Variants in TEC observed in about 807,000 individuals in gnomAD.
TEC encodes the protein tec protein tyrosine kinase.
In TEC, 72 loss-of-function variants were observed where a neutral mutation model predicts 93.0. The ratio of observed to expected loss-of-function variants is 0.77; its 90% CI spans 0.64 to 0.94. The LOEUF (loss-of-function observed/expected upper bound fraction) is 0.94, where lower values mean the gene tolerates loss of function less well. TEC is among the 40% of genes least tolerant of loss of function. TEC has a pLI of 0.00. For missense variants in TEC, 630 were observed against 757.9 expected, an observed-to-expected ratio of 0.83 and a Z score of 1.98; for synonymous variants, 249 against 247.7, an observed-to-expected ratio of 1.01 and a Z score of -0.05.
intron 2 of TEC, among the ~76,000 whole-genome samples, chr4:48,221,643 G>A (rs1016330828): frequency 6.6e-6 from 1 of 152,122 alleles, no homozygotes; most frequent in African/African-American, 2.4e-5. Context: ...AACCCCTTCT[G>A]TTAGGGTTTT....
intron 1 of TEC, among the ~76,000 whole-genome samples, chr4:48,235,364 C>T (rs920107207): frequency 1.3e-5 from 2 of 152,020 alleles, no homozygotes; most frequent in Non-Finnish European, 2.9e-5. Context: ...TAATAAGATA[C>T]AATGAGATGA....
At chr4:48,178,828 C>T (rs1721437251) in intron 2 of TEC, among the ~76,000 whole-genome samples, 1 of 152,172 alleles carries the variant, frequency 6.6e-6, no homozygotes, top group Admixed American at 6.5e-5. Context: ...TCTAACCCTT[C>T]TCCTCTGTTC....
At chr4:48,212,128 T>C (rs1337682407) in intron 2 of TEC, among the ~76,000 whole-genome samples, 8 of 144,226 alleles carry the variant, frequency 5.5e-5, no homozygotes, top group South Asian at 2.1e-4. Context: ...TATATATATA[T>C]ATATGTATAT....
intron 7 of TEC, 52 bp downstream of exon 7, chr4:48,167,726 A>T: frequency 6.4e-7 from 1 of 1,559,022 alleles, no homozygotes; most frequent in East Asian, 2.2e-5. Context: ...CTCACTCAAC[A>T]CTTGACTCCC....
intron 1 of TEC, among the ~76,000 whole-genome samples, chr4:48,265,336 A>T (rs1724604459): frequency 6.6e-6 from 1 of 151,126 alleles, no homozygotes; most frequent in East Asian, 1.9e-4. Context: ...CTTCTCACAG[A>T]CACAGAAAAT....
chr4:48,186,131 T>C (rs1721830522), intron 2 of TEC, among the ~76,000 whole-genome samples: 1 of 152,208 alleles, frequency 6.6e-6, no homozygotes. Context: ...GGTGCCGGGA[T>C]TGCAGACGGA....
chr4:48,259,316 C>T (rs1434619778), intron 1 of TEC, among the ~76,000 whole-genome samples: 3 of 152,186 alleles, frequency 2.0e-5, no homozygotes, highest in East Asian at 1.9e-4. Flanking sequence ...ACCCCTGTGA[C>T]TCATGTTTGC....
chr4:48,147,342 A>G (rs1479874033), intron 11 of TEC, among the ~76,000 whole-genome samples: 1 of 152,248 alleles, frequency 6.6e-6, no homozygotes. Context: ...AGCATTATTC[A>G]TAAGAGAACA....
chr4:48,178,083 C>A (rs1721406563), intron 2 of TEC, among the ~76,000 whole-genome samples: 1 of 152,184 alleles, frequency 6.6e-6, no homozygotes, highest in South Asian at 2.1e-4. Flanking sequence ...CCACACCTTT[C>A]CCTATTCCCT....
intron 9 of TEC, among the ~76,000 whole-genome samples, chr4:48,154,407 A>T (rs1224032704): frequency 6.6e-6 from 1 of 152,180 alleles, no homozygotes; most frequent in Admixed American, 6.5e-5. Flanking sequence ...ATTAAAATTA[A>T]TCACTTCCTA....
At chr4:48,214,237 T>C (rs1351656903) in intron 2 of TEC, among the ~76,000 whole-genome samples, 1 of 109,564 alleles carries the variant, frequency 9.1e-6, no homozygotes, top group Non-Finnish European at 1.7e-5. Flanking sequence ...ATAACACATA[T>C]ACATTTAACA....
chr4:48,140,249 G>A (rs1007599973), intron 15 of TEC, among the ~76,000 whole-genome samples: 3 of 152,254 alleles, frequency 2.0e-5, no homozygotes, highest in South Asian at 4.1e-4. Flanking sequence ...GGCGCTGCCC[G>A]TTGGCCAGCT....
chr4:48,176,770 C>G (rs571515878), intron 2 of TEC, among the ~76,000 whole-genome samples: 15 of 152,236 alleles, frequency 9.9e-5, no homozygotes, highest in Admixed American at 7.9e-4. Context: ...TCATTGCTAC[C>G]TGCCCCTGCC....
chr4:48,267,056 T>C (rs2109683472), intron 1 of TEC, among the ~76,000 whole-genome samples: 1 of 152,308 alleles, frequency 6.6e-6, no homozygotes, highest in East Asian at 1.9e-4. Context: ...AAGTATCAAC[T>C]ATAAGCCACA....
At chr4:48,245,549 T>C (rs1724032119) in intron 1 of TEC, among the ~76,000 whole-genome samples, 1 of 152,226 alleles carries the variant, frequency 6.6e-6, no homozygotes, top group Admixed American at 6.5e-5. Flanking sequence ...ATAGATGCCA[T>C]TTAAGTGCTT....
chr4:48,178,146 C>T (rs1721409018), intron 2 of TEC, among the ~76,000 whole-genome samples: 1 of 151,122 alleles, frequency 6.6e-6, no homozygotes, highest in African/African-American at 2.4e-5. Flanking sequence ...CATCTCTATG[C>T]CCAGCCAGGC....
In TEC at chr4:48,194,746, C is replaced by T. The variant is rs75168798; in HGVS notation, c.139-18560G>A. Among the ~76,000 whole-genome samples the T allele has an allele frequency of 1.1e-4, 16 of 152,240 alleles. No homozygotes were observed. The East Asian group carries it at 1.7e-3, about 17-fold the overall frequency. On this transcript the variant is annotated intron_variant, in intron 2 of 17. Transcript: ENST00000381501. ...TTGGAGCCAGGTCTCTAGTAGCAGA[C>T]GGTGAATTGCCCATCAACTCTCCCC... is the stretch of plus-strand genomic sequence containing the variant.
chr4:48,245,941 C>T (rs1335175879), intron 1 of TEC, among the ~76,000 whole-genome samples: 10 of 151,996 alleles, frequency 6.6e-5, no homozygotes, highest in Non-Finnish European at 1.5e-4. Context: ...TGAAACCCAT[C>T]TCTATTAAAA....
At chr4:48,245,171 T>C (rs1724020977) in intron 1 of TEC, among the ~76,000 whole-genome samples, 1 of 151,926 alleles carries the variant, frequency 6.6e-6, no homozygotes, top group Admixed American at 6.6e-5. Flanking sequence ...TGCGTGTCTG[T>C]AATCCCAGCT....
Sources: allele counts gnomAD v4.1 joint callset (sites outside exome capture counted in the v4.1 genomes callset), GRCh38; gene constraint gnomAD v4.1.1; transcripts MANE v1.5; gene names NCBI Gene and HGNC (gene_info 2026-07-23, HGNC 2026-07-21).